Variants in SCRN1 observed in about 807,000 individuals in gnomAD.
SCRN1 encodes the protein secernin-1.
In SCRN1, 19 loss-of-function variants were observed where a neutral mutation model predicts 43.3. The observed-to-expected ratio is 0.44, with a 90% CI of 0.31 to 0.64. The LOEUF is 0.64. SCRN1 is among the 30% of genes least tolerant of loss of function. SCRN1 has a pLI of 0.09. For synonymous variants in SCRN1, 183 were observed against 188.9 expected, an observed-to-expected ratio of 0.97 and a Z score of 0.26; for missense variants, 447 against 524.1, an observed-to-expected ratio of 0.85 and a Z score of 1.44.
chr7:29,982,239 A>C (rs565082629), intron 1 of SCRN1, among the ~76,000 whole-genome samples: 1 of 152,378 alleles, frequency 6.6e-6, no homozygotes, highest in South Asian at 2.1e-4. Flanking sequence ...CTAAAATTGT[A>C]TGTTAGAACA....
At chr7:29,926,699 C>T (rs1786973242) in intron 6 of SCRN1, 67 bp from the exon 7 acceptor site, 63 of 1,231,572 alleles carry the variant, frequency 5.1e-5, no homozygotes, top group Middle Eastern at 2.6e-4. Context: ...AGAGACTGTC[C>T]TTTTATTCAG....
rs372379596 is a variant in SCRN1 at position 29,961,805 on chromosome 7, A to G, written c.160-6445T>C. Among the ~76,000 whole-genome samples the G allele has an allele frequency of 2.9e-3, 419 of 145,058 alleles. 5 individuals are homozygous for G. Among genetic ancestry groups the G allele is most frequent in the African/African-American group, 0.01 (404 of 39,294 alleles). On this transcript the variant is annotated intron_variant, in intron 2 of 7. Transcript: ENST00000242059. ...ACCCCCCCACCTCCCTCCCGGACGG[A>G]GCGGCTGGCCGGGCGGGGGGCTGAC...
chr7:29,947,103 C>T, intron 3 of SCRN1: 1 of 1,432,858 alleles, frequency 7.0e-7, no homozygotes, highest in Non-Finnish European at 9.3e-7. Flanking sequence ...GGGGAAGAAA[C>T]TCAATGGGCC....
At chr7:29,974,722 C>T (rs374611469) in intron 1 of SCRN1, among the ~76,000 whole-genome samples, 9 of 138,708 alleles carry the variant, frequency 6.5e-5, no homozygotes, top group African/African-American at 1.7e-4. Flanking sequence ...CTTGCTCTGT[C>T]GCCCAGGCTG....
At chr7:29,930,483 T>A (rs1787120490) in intron 6 of SCRN1, among the ~76,000 whole-genome samples, 1 of 152,228 alleles carries the variant, frequency 6.6e-6, no homozygotes, top group African/African-American at 2.4e-5. Context: ...GCTACTTGAA[T>A]GAACATAAGC....
intron 3 of SCRN1, among the ~76,000 whole-genome samples, chr7:29,953,111 T>C (rs917853581): frequency 6.6e-5 from 10 of 152,262 alleles, no homozygotes; most frequent in Admixed American, 5.9e-4. Context: ...ATGACCAGTC[T>C]GTGATAATCT....
intron 5 of SCRN1, among the ~76,000 whole-genome samples, chr7:29,936,961 G>A (rs1270503174): frequency 6.6e-6 from 1 of 152,152 alleles, no homozygotes; most frequent in African/African-American, 2.4e-5. Context: ...CAGGAGAATG[G>A]TGTGAACCCG....
intron 6 of SCRN1, among the ~76,000 whole-genome samples, chr7:29,932,346 T>A (rs1391791005): frequency 2.0e-5 from 3 of 152,152 alleles, no homozygotes; most frequent in Non-Finnish European, 2.9e-5. Context: ...TTGAATTATC[T>A]AGATGGTAAT....
intron 1 of SCRN1, among the ~76,000 whole-genome samples, chr7:29,972,543 G>C (rs1158978839): frequency 6.6e-6 from 1 of 152,190 alleles, no homozygotes; most frequent in Non-Finnish European, 1.5e-5. Context: ...TGGGCCAAGG[G>C]AGGCTGGCTT....
rs1333363768 is a variant in SCRN1 at position 29,926,415 on chromosome 7, C to T, written c.1086+37G>A. ...TTCCTCGCTGACCTCGCCCGCCCGCCTCCGCCTCCGCCTCTGTGGCCCTCA... is the reference window on the plus strand; with the variant it reads ...TTCCTCGCTGACCTCGCCCGCCCGCTTCCGCCTCCGCCTCTGTGGCCCTCA... On this transcript the variant is annotated intron_variant, in intron 7 of 7. Coordinates refer to ENST00000242059, the MANE Select transcript of SCRN1 (RefSeq NM_014766.5). The T allele has an allele frequency of 2.5e-6, 4 of 1,595,098 alleles. No homozygotes were observed. The African/African-American group carries it at 5.4e-5, about 21-fold the overall frequency.
At chr7:29,940,082 G>A (rs947660901) in intron 5 of SCRN1, among the ~76,000 whole-genome samples, 2 of 152,104 alleles carry the variant, frequency 1.3e-5, no homozygotes, top group African/African-American at 2.4e-5. Context: ...GATCGCTTGA[G>A]TTCAGGAGGT....
intron 5 of SCRN1, among the ~76,000 whole-genome samples, chr7:29,937,884 T>C (rs1046866194): frequency 1.3e-5 from 2 of 152,240 alleles, no homozygotes; most frequent in African/African-American, 4.8e-5. Flanking sequence ...TCTACTTACA[T>C]GTCATACCTA....
chr7:29,986,107 A>C (rs1789142770), intron 1 of SCRN1, among the ~76,000 whole-genome samples: 1 of 152,156 alleles, frequency 6.6e-6, no homozygotes, highest in Non-Finnish European at 1.5e-5. Context: ...GTGGTGGCGC[A>C]CGCCTGTAAT....
intron 6 of SCRN1, among the ~76,000 whole-genome samples, chr7:29,932,651 CAAAAAAAAAA>C (rs1162835669): frequency 6.2e-4 from 5 of 8,024 alleles, no homozygotes; most frequent in African/African-American, 2.1e-3. Context: ...GATTCCATCT[CAAAAAAAAAA>C]AAAAAAAAAA....
chr7:29,929,333 C>A (rs980123770), intron 6 of SCRN1, among the ~76,000 whole-genome samples: 5 of 152,232 alleles, frequency 3.3e-5, no homozygotes. Flanking sequence ...ACCTGGCAGG[C>A]AAGGGAACTG....
At position 29,989,696 on chromosome 7, in the gene SCRN1, C is replaced by T. The variant is rs1789299879; in HGVS notation, c.-56G>A. The stretch of plus-strand genomic sequence containing the variant: ...CCGCTCTGCGGTGCTGAGGCTGCGG[C>T]CGCCGAGGGTGCGGGTGCTGCCGGG... On this transcript the variant is annotated 5_prime_UTR_variant, in exon 1 of 8. Transcript: ENST00000242059. 9.1e-6 allele frequency: 9 copies of T among 985,826 alleles called. No homozygotes were observed. The highest frequency in any genetic ancestry group is 1.1e-5 in the Non-Finnish European group (9 of 830,294). 61.1% of individuals were successfully genotyped at this position (985,826 alleles called of 1,614,324 possible).
chr7:29,960,447 T>A (rs963788185), intron 2 of SCRN1, among the ~76,000 whole-genome samples: 1 of 152,180 alleles, frequency 6.6e-6, no homozygotes, highest in Non-Finnish European at 1.5e-5. Flanking sequence ...AAGGAAATAA[T>A]GGAGACAATA....
In SCRN1 at chr7:29,922,975, C is replaced by T. The variant is rs1786817721; in HGVS notation, c.*982G>A. 6.6e-6 allele frequency: 1 copy of T among 152,190 alleles called. No individual in the cohort carries two copies. The highest frequency in any genetic ancestry group is 1.5e-5 in the Non-Finnish European group (1 of 68,036). 9.4% of individuals were successfully genotyped at this position (152,190 alleles called of 1,614,324 possible). ...AGATAATGTAGTGACTGCTAGGATT[C>T]CAGATATTTAACTAGAATCTAAATA... On this transcript the variant is annotated 3_prime_UTR_variant, in exon 8 of 8. Coordinates refer to ENST00000242059, the MANE Select transcript of SCRN1 (RefSeq NM_014766.5).
At chr7:29,935,594 T>C (rs1333269046) in intron 6 of SCRN1, among the ~76,000 whole-genome samples, 1 of 152,212 alleles carries the variant, frequency 6.6e-6, no homozygotes, top group East Asian at 1.9e-4. Context: ...ACCTCAAAGA[T>C]TCTGATACAA....
Sources: allele counts gnomAD v4.1 joint callset (sites outside exome capture counted in the v4.1 genomes callset), GRCh38; gene constraint gnomAD v4.1.1; transcripts MANE v1.5; gene names NCBI Gene and HGNC (gene_info 2026-07-23, HGNC 2026-07-21).